Variants in PCDHA1 observed in about 807,000 individuals in gnomAD.
PCDHA1 encodes the protein protocadherin alpha-1.
In PCDHA1, 42 loss-of-function variants were observed where a neutral mutation model predicts 61.3. That is an observed-to-expected ratio of 0.69 (90% confidence interval 0.54 to 0.89). The LOEUF is 0.89. Ranked by LOEUF, PCDHA1 falls within the 40% of genes least tolerant of loss-of-function variation. The pLI is 0.00. For missense variants in PCDHA1, 1,256 were observed against 1,235.3 expected, an observed-to-expected ratio of 1.02 and a Z score of -0.25; for synonymous variants, 610 against 553.8, an observed-to-expected ratio of 1.10 and a Z score of -1.43.
chr5:140,992,270 G>A (rs115480506), intron 3 of PCDHA1, among the ~76,000 whole-genome samples: 186 of 152,264 alleles, frequency 1.2e-3, no homozygotes, highest in African/African-American at 4.1e-3. Flanking sequence ...AGTTCTTTTC[G>A]TAGCACATCC....
chr5:141,000,389 C>CTATA (rs2097911342), intron 3 of PCDHA1, among the ~76,000 whole-genome samples: 3 of 62,588 alleles, frequency 4.8e-5, no homozygotes, highest in Non-Finnish European at 8.6e-5. Flanking sequence ...CTCTCTCTCT[C>CTATA]TCTCTCTATA....
At chr5:140,863,377 G>T (rs782482597) in intron 1 of PCDHA1, 6 of 1,100,624 alleles carry the variant, frequency 5.5e-6, no homozygotes, top group Non-Finnish European at 7.9e-6. Context: ...GCAGCTCACC[G>T]AGAGCTCGTG....
At chr5:140,994,474 G>A (rs545568699) in intron 3 of PCDHA1, among the ~76,000 whole-genome samples, 27 of 152,078 alleles carry the variant, frequency 1.8e-4, no homozygotes, top group Non-Finnish European at 2.9e-4. Flanking sequence ...AGGCTGAGGC[G>A]GGTGGATTGC....
chr5:141,005,814 A>G (rs947359019), intron 3 of PCDHA1, among the ~76,000 whole-genome samples: 1 of 149,766 alleles, frequency 6.7e-6, no homozygotes, highest in Non-Finnish European at 1.5e-5. Context: ...GGAGCCAGGT[A>G]TGGTGGCCTG....
chr5:140,953,641 G>A (rs246029), intron 1 of PCDHA1, among the ~76,000 whole-genome samples: 85,647 of 151,972 alleles, frequency 0.56, 24,761 homozygotes, highest in African/African-American at 0.69. Context: ...TTTTGGCCAG[G>A]AGCTATAGTT....
chr5:140,957,416 A>T (rs1456143168), intron 1 of PCDHA1, among the ~76,000 whole-genome samples: 2 of 152,144 alleles, frequency 1.3e-5, no homozygotes, highest in East Asian at 1.9e-4. Flanking sequence ...TATTGTTGTT[A>T]ATCTTTTACT....
chr5:140,876,031 G>C, intron 1 of PCDHA1: 2 of 1,613,702 alleles, frequency 1.2e-6, no homozygotes, highest in Non-Finnish European at 1.7e-6. Flanking sequence ...AACAAAAAAA[G>C]ATAAAAGTAT....
At chr5:140,862,415 G>A (rs1382532896) in intron 1 of PCDHA1, 6 of 348,784 alleles carry the variant, frequency 1.7e-5, no homozygotes, top group Non-Finnish European at 2.8e-5. Context: ...TTCAAAAGGC[G>A]CTGCCCAGAA....
chr5:140,884,304 C>T (rs1562802468), intron 1 of PCDHA1: 1 of 1,613,710 alleles, frequency 6.2e-7, no homozygotes, highest in East Asian at 2.2e-5. Context: ...CCACAGGCTT[C>T]GTCGAGGGCG....
At chr5:140,962,280 A>C (rs1244354033) in intron 1 of PCDHA1, among the ~76,000 whole-genome samples, 1 of 152,224 alleles carries the variant, frequency 6.6e-6, no homozygotes, top group Non-Finnish European at 1.5e-5. Flanking sequence ...AAAAAACCTC[A>C]ACCTTTAATA....
In PCDHA1 at chr5:140,927,579, C is replaced by T. The variant is rs369243383; in HGVS notation, c.2395-51370C>T. The T allele has an allele frequency of 3.2e-4, 517 of 1,614,178 alleles. 2 individuals are homozygous for T. Among genetic ancestry groups the T allele is most frequent in the Non-Finnish European group, 4.1e-4 (483 of 1,180,030 alleles). On this transcript the variant is annotated intron_variant, in intron 1 of 3. Coordinates refer to ENST00000504120, the MANE Select transcript of PCDHA1 (RefSeq NM_018900.4). ...TCATTGTGGTGGACACAAATGACAA[C>T]GCGCCTGTATTTGAGCGCTCCGTAT...
intron 1 of PCDHA1, among the ~76,000 whole-genome samples, chr5:140,954,134 A>G (rs1443838127): frequency 6.6e-6 from 1 of 152,194 alleles, no homozygotes; most frequent in Non-Finnish European, 1.5e-5. Flanking sequence ...TTATGGATGC[A>G]TAGTATTCCA....
At chr5:140,917,519 T>C (rs1554198226) in intron 1 of PCDHA1, among the ~76,000 whole-genome samples, 1 of 152,256 alleles carries the variant, frequency 6.6e-6, no homozygotes, top group East Asian at 1.9e-4. Context: ...GGTTTTATTC[T>C]ACGGTTTGTA....
intron 1 of PCDHA1, among the ~76,000 whole-genome samples, chr5:140,895,983 G>A (rs1186137755): frequency 1.3e-5 from 2 of 151,942 alleles, no homozygotes; most frequent in Non-Finnish European, 2.9e-5. Context: ...GCTAATTTTT[G>A]TATTTTAAGT....
intron 2 of PCDHA1, among the ~76,000 whole-genome samples, chr5:140,980,840 A>G (rs1248070793): frequency 1.3e-5 from 2 of 152,200 alleles, no homozygotes; most frequent in African/African-American, 4.8e-5. Context: ...GAACCTAAAT[A>G]ATACTAATCT....
intron 1 of PCDHA1, among the ~76,000 whole-genome samples, chr5:140,940,230 T>C (rs1554213224): frequency 6.6e-6 from 1 of 152,212 alleles, no homozygotes; most frequent in Non-Finnish European, 1.5e-5. Flanking sequence ...TTCATTTTGG[T>C]ACATTAAAGT....
intron 1 of PCDHA1, among the ~76,000 whole-genome samples, chr5:140,886,642 A>T (rs1412113366): frequency 6.6e-6 from 1 of 152,048 alleles, no homozygotes; most frequent in African/African-American, 2.4e-5. Flanking sequence ...CCTGGCCAAC[A>T]TGGTGAAACC....
At chr5:140,929,590 G>T in intron 1 of PCDHA1, 1 of 426,240 alleles carries the variant, frequency 2.3e-6, no homozygotes, top group Non-Finnish European at 4.2e-6. Context: ...TGACATAAAG[G>T]TCTAAAATTA....
At chr5:140,873,770 C>T (rs1316613523) in intron 1 of PCDHA1, among the ~76,000 whole-genome samples, 1 of 151,400 alleles carries the variant, frequency 6.6e-6, no homozygotes, top group Non-Finnish European at 1.5e-5. Context: ...AAGCAATTCT[C>T]CTGCCTCAGC....
Sources: allele counts gnomAD v4.1 joint callset (sites outside exome capture counted in the v4.1 genomes callset), GRCh38; gene constraint gnomAD v4.1.1; transcripts MANE v1.5; gene names NCBI Gene and HGNC (gene_info 2026-07-23, HGNC 2026-07-21).